Variants in CFAP299 observed in about 807,000 individuals in gnomAD.
CFAP299 encodes the protein cilia- and flagella-associated protein 299.
CFAP299 carries 21 observed loss-of-function variants against 27.0 expected under a neutral mutation model. That is an observed-to-expected ratio of 0.78 (90% CI 0.55 to 1.12). The LOEUF is 1.12. Ranked by LOEUF, CFAP299 falls within the 50% of genes most tolerant of loss-of-function variation. The probability of loss-of-function intolerance (pLI) is 0.00; values close to 1 mark genes in which losing one functional copy is unlikely to be tolerated. For missense variants in CFAP299, 310 were observed against 276.6 expected (o/e 1.12, Z -0.86); for synonymous variants, 104 against 98.1 (o/e 1.06, Z -0.36).
chr4:80,831,286 T>C (rs1730286515), intron 3 of CFAP299, among the ~76,000 whole-genome samples: 1 of 152,188 alleles, frequency 6.6e-6, no homozygotes, highest in Non-Finnish European at 1.5e-5. Flanking sequence ...AATAGATCAG[T>C]GAATTAAAGC....
At chr4:80,329,975 C>T in the CFAP299 span, among the ~76,000 whole-genome samples, 1 of 151,992 alleles carries the variant, frequency 6.6e-6, no homozygotes. Flanking sequence ...TTCTTTTTTA[C>T]CCTCAAGTCA....
chr4:80,815,019 A>AT (rs1467134195), intron 3 of CFAP299, among the ~76,000 whole-genome samples: 1 of 152,050 alleles, frequency 6.6e-6, no homozygotes, highest in African/African-American at 2.4e-5. Flanking sequence ...TATGAATAAG[A>AT]ACAAATAAAC....
chr4:80,784,132 C>T (rs1337664106), intron 3 of CFAP299, among the ~76,000 whole-genome samples: 1 of 151,976 alleles, frequency 6.6e-6, no homozygotes, highest in Non-Finnish European at 1.5e-5. Flanking sequence ...GTTTCTGTAT[C>T]TTCATTATTG....
chr4:80,891,248 G>A (rs1734258018), intron 4 of CFAP299, among the ~76,000 whole-genome samples: 1 of 149,690 alleles, frequency 6.7e-6, no homozygotes, highest in African/African-American at 2.5e-5. Context: ...TAAGGTGTAA[G>A]GAAGGGATCC....
intron 2 of CFAP299, among the ~76,000 whole-genome samples, chr4:80,519,928 A>C (rs7689698): frequency 0.076 from 11,618 of 152,172 alleles, 637 homozygotes; most frequent in East Asian, 0.25. Context: ...AGCTCTGAAC[A>C]CATAATTTTA....
chr4:80,909,250 G>C (rs769377884), intron 4 of CFAP299, among the ~76,000 whole-genome samples: 4 of 151,736 alleles, frequency 2.6e-5, no homozygotes, highest in Non-Finnish European at 5.9e-5. Flanking sequence ...TTCATTGACT[G>C]TCTGGGGTGG....
chr4:80,777,901 G>A (rs1726647681), intron 3 of CFAP299, among the ~76,000 whole-genome samples: 1 of 152,174 alleles, frequency 6.6e-6, no homozygotes, highest in East Asian at 1.9e-4. Context: ...ATGTTTTGAA[G>A]CTGGTCAATA....
chr4:80,584,829 C>T (rs1736350071), intron 3 of CFAP299, among the ~76,000 whole-genome samples: 1 of 151,940 alleles, frequency 6.6e-6, no homozygotes, highest in African/African-American at 2.4e-5. Context: ...CTATATGAGG[C>T]ATCGTACTAA....
intron 3 of CFAP299, among the ~76,000 whole-genome samples, chr4:80,643,444 C>T (rs1560673762): frequency 6.6e-6 from 1 of 152,018 alleles, no homozygotes; most frequent in Non-Finnish European, 1.5e-5. Context: ...GCCAGTGGAT[C>T]AAGAGGAAAT....
chr4:80,580,181 C>A (rs1251101629), intron 2 of CFAP299, among the ~76,000 whole-genome samples: 1 of 151,992 alleles, frequency 6.6e-6, no homozygotes, highest in East Asian at 1.9e-4. Context: ...GTAAGGGTAG[C>A]CACTATAACT....
chr4:80,703,663 ATT>A (rs1721648065), intron 3 of CFAP299, among the ~76,000 whole-genome samples: 1 of 151,600 alleles, frequency 6.6e-6, no homozygotes, highest in Admixed American at 6.6e-5. Context: ...AGTTCTTGAT[ATT>A]CAGAGCCCTC....
chr4:80,662,350 A>C (rs553589251), intron 3 of CFAP299, among the ~76,000 whole-genome samples: 1 of 152,098 alleles, frequency 6.6e-6, no homozygotes, highest in South Asian at 2.1e-4. Context: ...TTCTCAGACC[A>C]GGTGACACTT....
intron 4 of CFAP299, among the ~76,000 whole-genome samples, chr4:80,918,399 T>C (rs1419157757): frequency 6.6e-6 from 1 of 152,168 alleles, no homozygotes; most frequent in Non-Finnish European, 1.5e-5. Context: ...AGCTTATCCT[T>C]GTTGATCCCA....
intron 2 of CFAP299, among the ~76,000 whole-genome samples, chr4:80,383,318 A>G (rs1484683738): frequency 6.6e-6 from 1 of 152,114 alleles, no homozygotes; most frequent in Non-Finnish European, 1.5e-5. Flanking sequence ...AAACCTGCAC[A>G]TGTACCCCAG....
intron 1 of CFAP299, among the ~76,000 whole-genome samples, chr4:80,351,597 A>C (rs879375921): frequency 3.3e-5 from 5 of 152,040 alleles, no homozygotes; most frequent in Non-Finnish European, 7.4e-5. Flanking sequence ...ACAAGGTAGT[A>C]TATTAAAACC....
intron 2 of CFAP299, chr4:80,388,231 C>T: frequency 1.4e-6 from 1 of 696,262 alleles, no homozygotes; most frequent in South Asian, 1.5e-5. Context: ...TCAGGCTGCT[C>T]TGCACAGGTC....
intron 3 of CFAP299, among the ~76,000 whole-genome samples, chr4:80,591,126 T>A (rs13127716): frequency 1.1e-4 from 15 of 132,764 alleles, no homozygotes; most frequent in African/African-American, 3.2e-4. Flanking sequence ...TTTTTTTTTT[T>A]TTTTTATTTT....
chr4:80,891,098 C>A (rs1282396360), intron 4 of CFAP299, among the ~76,000 whole-genome samples: 1 of 150,706 alleles, frequency 6.6e-6, no homozygotes, highest in African/African-American at 2.4e-5. Flanking sequence ...GCTTTGGTTG[C>A]CATTGCTTTT....
chr4:80,880,720 C>A lies in CFAP299; in HGVS notation c.476+10585C>A, dbSNP rs373628391. The stretch of plus-strand genomic sequence containing the variant: ...CAGGCTAGGTGACAGAGCGAGACTC[C>A]GTCTCAAAAAATAAAATAAAATAAA... On this transcript the variant is annotated intron_variant, in intron 4 of 5. Transcript: ENST00000358105. 6.0e-5 allele frequency among the ~76,000 whole-genome samples: 9 copies of A among 149,406 alleles called. No homozygotes were observed. In the South Asian group the frequency reaches 1.9e-3, roughly 31 times the overall value.
Sources: gnomAD v4.1 joint callset for allele counts (sites outside exome capture counted in the v4.1 genomes callset) on GRCh38, gnomAD v4.1.1 for gene constraint, MANE v1.5 for transcripts, NCBI Gene and HGNC (gene_info 2026-07-23, HGNC 2026-07-21) for gene names.